Variants in EXOC4 observed in about 807,000 individuals in gnomAD.
EXOC4 encodes the protein exocyst complex component 4, also known as SEC8-like 1.
EXOC4 carries 71 observed loss-of-function variants against 107.2 expected under a neutral mutation model. The ratio of observed to expected loss-of-function variants is 0.66; its 90% confidence interval spans 0.55 to 0.81. The LOEUF (loss-of-function observed/expected upper bound fraction) is 0.81, where lower values mean the gene tolerates loss of function less well. Among genes scored for constraint, EXOC4 ranks in the 30% least tolerant of loss-of-function variants. The pLI is 0.00. For synonymous variants in EXOC4, 456 were observed against 441.2 expected (o/e 1.03, Z -0.42); for missense variants, 1,108 against 1,189.6 (o/e 0.93, Z 1.01).
intron 9 of EXOC4, among the ~76,000 whole-genome samples, chr7:133,523,394 C>T (rs1056793317): frequency 4.6e-5 from 7 of 151,036 alleles, no homozygotes; most frequent in Non-Finnish European, 2.9e-5. Flanking sequence ...GTTTGGAATA[C>T]GTATGATCTA....
At position 133,798,293 on chromosome 7, in the gene EXOC4, A is replaced by G. The variant is rs191677670; in HGVS notation, c.1515-19032A>G. On this transcript the variant is annotated intron_variant, in intron 10 of 17. Coordinates refer to ENST00000253861, the MANE Select transcript of EXOC4 (RefSeq NM_021807.4). ...CATAGGATATTGTGAGTAAGCTCCA[A>G]ATAAGCTTTAGAGATCTCCATCATT... 2.0e-5 allele frequency among the ~76,000 whole-genome samples: 3 copies of G among 152,330 alleles called. No homozygotes were observed. In the East Asian group the frequency reaches 5.8e-4, roughly 29 times the overall value.
At chr7:133,837,112 G>C (rs1189512693) in intron 11 of EXOC4, among the ~76,000 whole-genome samples, 2 of 152,052 alleles carry the variant, frequency 1.3e-5, no homozygotes, top group Non-Finnish European at 2.9e-5. Flanking sequence ...GAATAAGCAT[G>C]GTACAATGGA....
At chr7:133,453,093 A>G (rs888123611) in intron 7 of EXOC4, among the ~76,000 whole-genome samples, 20 of 152,252 alleles carry the variant, frequency 1.3e-4, no homozygotes, top group African/African-American at 4.3e-4. Context: ...AGAGCTTAAC[A>G]TAAATCACTA....
chr7:133,805,409 G>A (rs1409618179), intron 10 of EXOC4, among the ~76,000 whole-genome samples: 1 of 152,196 alleles, frequency 6.6e-6, no homozygotes, highest in Non-Finnish European at 1.5e-5. Context: ...CTAATGAGTA[G>A]AAGTAGAAAT....
chr7:133,526,443 T>C (rs1004849133), intron 9 of EXOC4, among the ~76,000 whole-genome samples: 1 of 152,186 alleles, frequency 6.6e-6, no homozygotes, highest in Non-Finnish European at 1.5e-5. Context: ...GAGAATTCTT[T>C]AAAAACAATG....
chr7:133,588,502 T>G (rs2150975052), intron 9 of EXOC4, among the ~76,000 whole-genome samples: 2 of 152,342 alleles, frequency 1.3e-5, no homozygotes, highest in Admixed American at 1.3e-4. Context: ...CTCTATTTGC[T>G]CTATAAAAAT....
intron 6 of EXOC4, among the ~76,000 whole-genome samples, chr7:133,371,843 TC>T (rs1297695781): frequency 2.0e-5 from 3 of 152,236 alleles, no homozygotes; most frequent in African/African-American, 7.2e-5. Flanking sequence ...CATTTTACAT[TC>T]CCACTGGCAC....
intron 11 of EXOC4, among the ~76,000 whole-genome samples, chr7:133,822,229 G>A (rs570697679): frequency 1.1e-4 from 16 of 152,134 alleles, no homozygotes; most frequent in Non-Finnish European, 1.5e-4. Flanking sequence ...CCATTGAAGT[G>A]GATACCATCT....
chr7:133,746,587 A>T (rs1396904372), intron 10 of EXOC4, among the ~76,000 whole-genome samples: 1 of 152,104 alleles, frequency 6.6e-6, no homozygotes, highest in Non-Finnish European at 1.5e-5. Flanking sequence ...TTTGCCAGAG[A>T]CTTTGCTTTC....
chr7:133,409,998 A>T (rs1584894802), intron 7 of EXOC4, among the ~76,000 whole-genome samples: 1 of 152,206 alleles, frequency 6.6e-6, no homozygotes, highest in East Asian at 1.9e-4. Flanking sequence ...TTACCAATAA[A>T]GATTAGAGAC....
chr7:134,034,495 G>A (rs1363550770), intron 17 of EXOC4, among the ~76,000 whole-genome samples: 1 of 152,156 alleles, frequency 6.6e-6, no homozygotes, highest in East Asian at 1.9e-4. Context: ...AATCACGGGG[G>A]CAGTTTCCCC....
At chr7:133,804,807 T>C (rs1371966480) in intron 10 of EXOC4, among the ~76,000 whole-genome samples, 1 of 152,212 alleles carries the variant, frequency 6.6e-6, no homozygotes, top group Non-Finnish European at 1.5e-5. Flanking sequence ...TTGATATGTT[T>C]AACATAGTAC....
At chr7:133,776,134 T>C (rs1405760935) in intron 10 of EXOC4, among the ~76,000 whole-genome samples, 3 of 152,184 alleles carry the variant, frequency 2.0e-5, no homozygotes, top group Non-Finnish European at 2.9e-5. Flanking sequence ...AGCATGATTT[T>C]AAAGAATAGG....
intron 14 of EXOC4, among the ~76,000 whole-genome samples, chr7:133,962,196 T>G (rs1800961756): frequency 6.6e-6 from 1 of 152,180 alleles, no homozygotes; most frequent in Non-Finnish European, 1.5e-5. Flanking sequence ...GGGCCTTGTC[T>G]TCTTGAAGAA....
chr7:133,285,301 T>A (rs564968198), intron 2 of EXOC4, among the ~76,000 whole-genome samples: 8 of 152,320 alleles, frequency 5.3e-5, no homozygotes, highest in African/African-American at 1.9e-4. Flanking sequence ...CCTGGATCCC[T>A]TGTTTCTTCT....
chr7:134,012,652 G>A (rs2116372033), intron 17 of EXOC4, among the ~76,000 whole-genome samples: 1 of 152,286 alleles, frequency 6.6e-6, no homozygotes, highest in East Asian at 1.9e-4. Flanking sequence ...GAGTTGAGAT[G>A]AGAGTTTTGG....
intron 9 of EXOC4, among the ~76,000 whole-genome samples, chr7:133,488,899 T>C (rs1190613397): frequency 6.7e-6 from 1 of 150,260 alleles, no homozygotes; most frequent in East Asian, 1.9e-4. Context: ...AATTAGATTA[T>C]ATATAGAAAT....
intron 9 of EXOC4, among the ~76,000 whole-genome samples, chr7:133,492,050 G>A (rs550032081): frequency 2.2e-4 from 34 of 152,178 alleles, no homozygotes; most frequent in Non-Finnish European, 4.3e-4. Context: ...TTTGTCCTGC[G>A]GGTGATAAGG....
At chr7:133,782,660 C>T (rs898319631) in intron 10 of EXOC4, among the ~76,000 whole-genome samples, 2 of 152,106 alleles carry the variant, frequency 1.3e-5, no homozygotes, top group Admixed American at 1.3e-4. Context: ...CTTAACAGGT[C>T]CCCTGAAACA....
Sources: allele counts gnomAD v4.1 joint callset (sites outside exome capture counted in the v4.1 genomes callset), GRCh38; gene constraint gnomAD v4.1.1; transcripts MANE v1.5; gene names NCBI Gene and HGNC (gene_info 2026-07-23, HGNC 2026-07-21).